AXDND1: variants seen among roughly 807,000 people sequenced by gnomAD.
AXDND1 encodes axonemal dynein light chain domain containing 1.
A neutral mutation model predicts 137.5 loss-of-function variants in AXDND1; 110 were observed. That is an observed-to-expected ratio of 0.80 (90% CI 0.69 to 0.94). AXDND1 has a LOEUF of 0.94. Ranked by LOEUF, AXDND1 falls within the 40% of genes least tolerant of loss-of-function variation. AXDND1 has a pLI of 0.00. For synonymous variants in AXDND1, 414 were observed against 399.7 expected, an observed-to-expected ratio of 1.04 and a Z score of -0.43; for missense variants, 1,191 against 1,169.8, an observed-to-expected ratio of 1.02 and a Z score of -0.26.
chr1:179,530,327 C>A (rs1195434093), intron 23 of AXDND1, among the ~76,000 whole-genome samples: 6 of 152,154 alleles, frequency 3.9e-5, no homozygotes, highest in Non-Finnish European at 7.4e-5. Context: ...CCACGCCCGG[C>A]CAAAATTTTT....
intron 15 of AXDND1, among the ~76,000 whole-genome samples, chr1:179,442,682 T>G (rs1659156670): frequency 6.6e-6 from 1 of 152,190 alleles, no homozygotes; most frequent in African/African-American, 2.4e-5. Flanking sequence ...GGTACCTCTT[T>G]AGGGCACTGA....
intron 25 of AXDND1, chr1:179,552,111 TG>T: frequency 5.8e-6 from 1 of 173,358 alleles, no homozygotes; most frequent in Non-Finnish European, 1.2e-5. Context: ...AGCTGCTAGC[TG>T]CCACATCTTT....
chr1:179,431,302 C>T lies in AXDND1; in HGVS notation c.1487+696C>T, dbSNP rs528227837. Among the ~76,000 whole-genome samples, 41 of 152,064 alleles carry T rather than the reference C, an allele frequency of 2.7e-4. No homozygotes were observed. In the South Asian group the frequency reaches 4.4e-3, roughly 16 times the overall value. On this transcript the variant is annotated intron_variant, in intron 14 of 25. Coordinates refer to ENST00000367618, the MANE Select transcript of AXDND1 (RefSeq NM_144696.6). ...GATTACAGGCATGCGCCACCACACC[C>T]GGCTAATTTTTGTATTTTTAGTACA... is the stretch of plus-strand genomic sequence containing the variant.
intron 11 of AXDND1, among the ~76,000 whole-genome samples, chr1:179,405,376 A>T (rs1315277759): frequency 6.6e-6 from 1 of 152,186 alleles, no homozygotes; most frequent in Non-Finnish European, 1.5e-5. Flanking sequence ...ATGCTGCAGT[A>T]AACATACGTG....
At chr1:179,370,653 G>A (rs369582449) in intron 4 of AXDND1, among the ~76,000 whole-genome samples, 11 of 152,288 alleles carry the variant, frequency 7.2e-5, no homozygotes, top group African/African-American at 2.6e-4. Flanking sequence ...TTTTCCCTGT[G>A]AAGATTGAGA....
intron 12 of AXDND1, among the ~76,000 whole-genome samples, chr1:179,418,433 C>G (rs974433003): frequency 1.0e-3 from 153 of 152,324 alleles, no homozygotes; most frequent in Non-Finnish European, 1.7e-3. Flanking sequence ...CAATCTTTTC[C>G]CCACCTTTTC....
chr1:179,488,114 G>A (rs1159451397), intron 18 of AXDND1, among the ~76,000 whole-genome samples: 1 of 146,560 alleles, frequency 6.8e-6, no homozygotes, highest in Non-Finnish European at 1.5e-5. Flanking sequence ...TGTTCTTACA[G>A]TTGTCTAAAA....
At chr1:179,462,959 A>G (rs1001471464) in intron 16 of AXDND1, among the ~76,000 whole-genome samples, 2 of 152,064 alleles carry the variant, frequency 1.3e-5, no homozygotes, top group African/African-American at 4.8e-5. Context: ...CTGTGGGATC[A>G]GTGGTGATAT....
At chr1:179,479,145 G>A (rs1665001194) in intron 17 of AXDND1, among the ~76,000 whole-genome samples, 1 of 151,890 alleles carries the variant, frequency 6.6e-6, no homozygotes, top group East Asian at 1.9e-4. Flanking sequence ...ACCTTTAACA[G>A]CACCCAAGTC....
intron 16 of AXDND1, among the ~76,000 whole-genome samples, chr1:179,464,613 G>C (rs146656045): frequency 1.3e-5 from 2 of 151,964 alleles, no homozygotes; most frequent in Non-Finnish European, 2.9e-5. Flanking sequence ...TCTTCTCGAG[G>C]AGTATCTTTG....
At chr1:179,445,628 G>A (rs1440511559) in intron 16 of AXDND1, among the ~76,000 whole-genome samples, 3 of 152,014 alleles carry the variant, frequency 2.0e-5, no homozygotes, top group African/African-American at 4.8e-5. Context: ...TTTTGACTGG[G>A]TTCTTTCACT....
intron 15 of AXDND1, among the ~76,000 whole-genome samples, chr1:179,433,120 A>G (rs1041192560): frequency 1.3e-5 from 2 of 152,066 alleles, no homozygotes; most frequent in Non-Finnish European, 2.9e-5. Context: ...GTGTCCAGGA[A>G]TTTATCCGTT....
chr1:179,554,369 T>C (rs1163764114), intron 25 of AXDND1, 143 bp from the exon 26 acceptor site: 24 of 1,294,492 alleles, frequency 1.9e-5, no homozygotes, highest in Non-Finnish European at 1.6e-5. Flanking sequence ...TTTATGCTGA[T>C]ATGGCTATAG....
Position 179,529,818 on chromosome 1 carries a change from T to C in AXDND1, c.2715+1387T>C, listed in dbSNP as rs185733977. On this transcript the variant is annotated intron_variant, in intron 23 of 25. Coordinates refer to ENST00000367618, the MANE Select transcript of AXDND1 (RefSeq NM_144696.6). ...GCTTTGCAAGGCCACTTTTGTTTCC[T>C]GGCCAGGCAGCGGCTATTTCAAAAT... is the stretch of plus-strand genomic sequence containing the variant. Among the ~76,000 whole-genome samples the C allele has an allele frequency of 3.9e-5, 6 of 152,322 alleles. No homozygotes were observed. The East Asian group carries it at 1.2e-3, about 29-fold the overall frequency.
At position 179,491,525 on chromosome 1, in the gene AXDND1, C is replaced by T. The variant is rs1183546339; in HGVS notation, c.2092-13C>T. 4 of 1,548,142 alleles carry T rather than the reference C, an allele frequency of 2.6e-6. No individual in the cohort carries two copies. The highest frequency in any genetic ancestry group is 2.7e-6 in the Non-Finnish European group (3 of 1,128,042). On this transcript the variant is annotated splice_polypyrimidine_tract_variant and intron_variant, in intron 18 of 25. Coordinates refer to ENST00000367618, the MANE Select transcript of AXDND1 (RefSeq NM_144696.6). The stretch of plus-strand genomic sequence containing the variant: ...TAAAGTGGGTCATTTGTATTATACT[C>T]ATTTTTTAACAGATGGATGAGTTAC...
intron 15 of AXDND1, among the ~76,000 whole-genome samples, chr1:179,443,009 CG>C (rs1659224711): frequency 1.3e-5 from 2 of 151,976 alleles, no homozygotes; most frequent in South Asian, 2.1e-4. Flanking sequence ...CGGTGATTGT[CG>C]AGTAATTGTC....
At chr1:179,389,550 A>C (rs1649800176) in intron 9 of AXDND1, among the ~76,000 whole-genome samples, 2 of 152,168 alleles carry the variant, frequency 1.3e-5, no homozygotes, top group Non-Finnish European at 2.9e-5. Flanking sequence ...CCCACTTTGA[A>C]GTCAGCCCAA....
intron 10 of AXDND1, among the ~76,000 whole-genome samples, chr1:179,394,585 G>A (rs113397881): frequency 0.074 from 6,703 of 91,040 alleles, 223 homozygotes; most frequent in Non-Finnish European, 0.11. Context: ...GCGAGACCCT[G>A]TCTCAGAAAA....
chr1:179,395,077 A>G (rs1650834405), intron 10 of AXDND1, 21 bp from the exon 11 acceptor site: 8 of 1,576,368 alleles, frequency 5.1e-6, no homozygotes, highest in Non-Finnish European at 6.9e-6. Flanking sequence ...ATGAATTAAA[A>G]ATTTCTTTGC....
Sources: allele counts gnomAD v4.1 joint callset (sites outside exome capture counted in the v4.1 genomes callset), GRCh38; gene constraint gnomAD v4.1.1; transcripts MANE v1.5; gene names NCBI Gene and HGNC (gene_info 2026-07-23, HGNC 2026-07-21).